PNRC2: variants seen among roughly 807,000 people sequenced by gnomAD.
PNRC2 encodes the protein proline-rich nuclear receptor coactivator 2.
A neutral mutation model predicts 12.2 loss-of-function variants in PNRC2; 2 were observed. That is an observed-to-expected ratio of 0.16 (90% CI 0.07 to 0.52). The LOEUF (loss-of-function observed/expected upper bound fraction) is 0.52. Ranked by LOEUF, PNRC2 falls within the 20% of genes least tolerant of loss-of-function variation. PNRC2 has a pLI of 0.95. For synonymous variants in PNRC2, 44 were observed against 53.9 expected (o/e 0.82, Z 0.80); for missense variants, 115 against 158.4 (o/e 0.73, Z 1.47).
At position 23,962,287 on chromosome 1, in the gene PNRC2, G is replaced by A. The variant is rs1291883471; in HGVS notation, c.*410G>A. 5.7e-6 allele frequency: 1 copy of A among 176,696 alleles called. No homozygotes were observed. The highest frequency in any genetic ancestry group is 1.4e-5 in the Non-Finnish European group (1 of 73,392). The allele number at this position is 176,696 out of a possible 1,614,324, so 10.9% of individuals were successfully genotyped here. On this transcript the variant is annotated 3_prime_UTR_variant, in exon 3 of 3. Transcript: ENST00000334351. ...TAGTATATTAGAAACACCCAAACCA[G>A]TAATATGCTAACCTGATGCACTGCT...
rs1443642740 is a variant in PNRC2, at chr1:23,959,869, G to A, written c.-354G>A. On this transcript the variant is annotated 5_prime_UTR_variant, in exon 1 of 3. Coordinates refer to ENST00000334351, the MANE Select transcript of PNRC2 (RefSeq NM_017761.4). ...GGAGAAGGTCGGGTTGTAGAAGCTG[G>A]GGTGGCCGGCAGCTCGCTCATCGGT... 2 of 152,318 alleles carry A rather than the reference G, an allele frequency of 1.3e-5. No homozygotes were observed. Among genetic ancestry groups the A allele is most frequent in the African/African-American group, 2.4e-5 (1 of 41,478 alleles). The allele number at this position is 152,318 out of a possible 1,614,324, so 9.4% of individuals were successfully genotyped here. A position where few individuals can be genotyped will look rare whatever the true frequency, so the allele number is the denominator to read the frequency against.
rs981658474 is a variant in PNRC2 at position 23,960,642 on chromosome 1, T to A, written c.-224-287T>A. Among the ~76,000 whole-genome samples the A allele has an allele frequency of 5.9e-5, 9 of 152,330 alleles. No individual in the cohort carries two copies. In the East Asian group the frequency reaches 1.3e-3, roughly 23 times the overall value. On this transcript the variant is annotated intron_variant, in intron 1 of 2. Transcript: ENST00000334351. ...AACATTTAACACTTCCTTGATTTTATACGCGAGAGAATCTGAAGGTCTTTC... is the reference window on the plus strand; with the variant it reads ...AACATTTAACACTTCCTTGATTTTAAACGCGAGAGAATCTGAAGGTCTTTC...
chr1:23,961,206 T>C (rs1029940625), intron 2 of PNRC2, 72 bp downstream of exon 2: 29 of 447,624 alleles, frequency 6.5e-5, no homozygotes, highest in African/African-American at 4.9e-4. Context: ...TTAAAATAGA[T>C]TATGTAGATT....
intron 2 of PNRC2, 135 bp downstream of exon 2, chr1:23,961,269 A>G: frequency 3.7e-6 from 2 of 537,900 alleles, no homozygotes. Context: ...GGTTGTGCAT[A>G]TATTGAAGTC....
In PNRC2 at chr1:23,961,932, GAAAC is replaced by G. The variant is rs1641287820; in HGVS notation, c.*59_*62del. On this transcript the variant is annotated 3_prime_UTR_variant, in exon 3 of 3. Coordinates refer to ENST00000334351, the MANE Select transcript of PNRC2 (RefSeq NM_017761.4). ...TTCACGGATAGTTGTCAATTGGTCTGAAACAAATTCGCTAGGGAATCTATTTGTG... is the reference window on the plus strand; with the variant it reads ...TTCACGGATAGTTGTCAATTGGTCTGAAATTCGCTAGGGAATCTATTTGTG... The G allele has an allele frequency of 1.9e-6, 2 of 1,079,536 alleles. No individual in the cohort carries two copies. The highest frequency in any genetic ancestry group is 1.5e-5 in the South Asian group (1 of 65,282). 66.9% of individuals were successfully genotyped at this position (1,079,536 alleles called of 1,614,324 possible). A position where few individuals can be genotyped will look rare whatever the true frequency, so the allele number is the denominator to read the frequency against.
intron 1 of PNRC2, 95 bp downstream of exon 1, chr1:23,960,093 C>CCGGGCGGGCG (rs1431809158): frequency 2.6e-5 from 4 of 152,192 alleles, no homozygotes; most frequent in African/African-American, 4.8e-5. Flanking sequence ...TCCGGGTAAC[C>CCGGGCGGGCG]CGGGCGGGCG....
Position 23,961,942 on chromosome 1 carries a change from C to G in PNRC2, c.*65C>G. ...GTTGTCAATTGGTCTGAAACAAATTCGCTAGGGAATCTATTTGTGTAGAAC... is the reference window on the plus strand; with the variant it reads ...GTTGTCAATTGGTCTGAAACAAATTGGCTAGGGAATCTATTTGTGTAGAAC... On this transcript the variant is annotated 3_prime_UTR_variant, in exon 3 of 3. Coordinates refer to ENST00000334351, the MANE Select transcript of PNRC2 (RefSeq NM_017761.4). 2 of 898,782 alleles carry G rather than the reference C, an allele frequency of 2.2e-6. No homozygotes were observed. Among genetic ancestry groups the G allele is most frequent in the South Asian group, 1.7e-5 (1 of 60,300 alleles). The allele number at this position is 898,782 out of a possible 1,614,324, so 55.7% of individuals were successfully genotyped here.
rs1641266078 is a variant in PNRC2 at position 23,960,925 on chromosome 1, C to T, written c.-224-4C>T. ...AAATAATGAAGTAATCTTTACTTTT[C>T]TAGCTAGGACTTCTCTCAAACTTGT... On this transcript the variant is annotated splice_region_variant and splice_polypyrimidine_tract_variant and intron_variant, in intron 1 of 2. Coordinates refer to ENST00000334351, the MANE Select transcript of PNRC2 (RefSeq NM_017761.4). 1 of 398,842 alleles carries T rather than the reference C, an allele frequency of 2.5e-6. No individual in the cohort carries two copies. Among genetic ancestry groups the T allele is most frequent in the East Asian group, 3.6e-5 (1 of 28,096 alleles). 24.7% of individuals were successfully genotyped at this position (398,842 alleles called of 1,614,324 possible).
intron 1 of PNRC2, among the ~76,000 whole-genome samples, chr1:23,960,429 G>T (rs1296548542): frequency 6.6e-6 from 1 of 152,164 alleles, no homozygotes; most frequent in Non-Finnish European, 1.5e-5. Flanking sequence ...GGGCTTGTGA[G>T]AACTTATTTT....
rs909086181 is a variant in PNRC2 at position 23,962,161 on chromosome 1, A to G, written c.*284A>G. 1 of 278,210 alleles carries G rather than the reference A, an allele frequency of 3.6e-6. No homozygotes were observed. Among genetic ancestry groups the G allele is most frequent in the Admixed American group, 4.9e-5 (1 of 20,576 alleles). The allele number at this position is 278,210 out of a possible 1,614,324, so 17.2% of individuals were successfully genotyped here. ...TTTCTATTGTTAGGGGAAGACAGTA[A>G]TTTATCATTCATGGACCAGTAGATT... On this transcript the variant is annotated 3_prime_UTR_variant, in exon 3 of 3. Transcript: ENST00000334351.
rs1239509076 is a variant in PNRC2, at chr1:23,962,766, T to C, written c.*889T>C. 1 of 166,992 alleles carries C rather than the reference T, an allele frequency of 6.0e-6. No individual in the cohort carries two copies. The highest frequency in any genetic ancestry group is 1.5e-5 in the Non-Finnish European group (1 of 68,074). 10.3% of individuals were successfully genotyped at this position (166,992 alleles called of 1,614,324 possible). Reference sequence around the variant, plus strand: ...AGACCGTGGACTGTTTTTTATAATATGGCCTAATTTTAAAGGTCCAAAATA... The same window carrying C: ...AGACCGTGGACTGTTTTTTATAATACGGCCTAATTTTAAAGGTCCAAAATA... On this transcript the variant is annotated 3_prime_UTR_variant, in exon 3 of 3. Coordinates refer to ENST00000334351, the MANE Select transcript of PNRC2 (RefSeq NM_017761.4).
rs1478619881 is a variant in PNRC2 at position 23,963,273 on chromosome 1, C to T, written c.*1396C>T. 1 of 166,992 alleles carries T rather than the reference C, an allele frequency of 6.0e-6. No homozygotes were observed. Among genetic ancestry groups the T allele is most frequent in the East Asian group, 1.9e-4 (1 of 5,210 alleles). The allele number at this position is 166,992 out of a possible 1,614,324, so 10.3% of individuals were successfully genotyped here. A position where few individuals can be genotyped will look rare whatever the true frequency, so the allele number is the denominator to read the frequency against. On this transcript the variant is annotated 3_prime_UTR_variant, in exon 3 of 3. Transcript: ENST00000334351. ...AATGCCCTATTTTCTAATTTGGCAC[C>T]TCTTGATGCCTAAGCAGGTAAGCAG... is the stretch of plus-strand genomic sequence containing the variant.
chr1:23,961,643 G>T lies in PNRC2; in HGVS notation c.186G>T (p.Gly62=). The part of the protein sequence containing the change: ...SAAAWQAMQN[G]GKNKNFPNNQ... Reference sequence around the variant, plus strand: ...CTGCCTGGCAGGCCATGCAAAATGGGGGGAAGAACAAAAATTTTCCAAATA... The same window carrying T: ...CTGCCTGGCAGGCCATGCAAAATGGTGGGAAGAACAAAAATTTTCCAAATA... Residue 62 remains glycine (G), a synonymous_variant, in exon 3 of 3, where the codon GGG becomes GGT. Coordinates refer to ENST00000334351, the MANE Select transcript of PNRC2 (RefSeq NM_017761.4). 3.7e-6 allele frequency: 6 copies of T among 1,613,826 alleles called. No individual in the cohort carries two copies. The highest frequency in any genetic ancestry group is 3.4e-6 in the Non-Finnish European group (4 of 1,179,804).
chr1:23,960,833 G>C, intron 1 of PNRC2, 96 bp from the exon 2 acceptor site: 1 of 395,874 alleles, frequency 2.5e-6, no homozygotes, highest in South Asian at 1.4e-4. Flanking sequence ...AGTTCAGGAA[G>C]TAGCCTTCTT....
At chr1:23,959,613 T>C (rs1269919935), upstream of PNRC2, among the ~76,000 whole-genome samples, 2 of 152,122 alleles carry the variant, frequency 1.3e-5, no homozygotes, top group African/African-American at 4.8e-5. Flanking sequence ...GAGAAAGGAC[T>C]AAGACACCGG....
In PNRC2 at chr1:23,961,509, A is replaced by C; in HGVS notation, c.52A>C (p.Ser18Arg). 1 of 1,612,646 alleles carries C rather than the reference A, an allele frequency of 6.2e-7. No homozygotes were observed. The highest frequency in any genetic ancestry group is 2.2e-5 in the East Asian group (1 of 44,884). The stretch of plus-strand genomic sequence containing the variant: ...TCCAGCCCCTCAATCTAGAAATGTT[A>C]GTAAGAACCAACAACAGCTTAACAG... ...NIPAPQSRNVSKNQQQLNRQK... is the reference protein window; with the variant it reads ...NIPAPQSRNVRKNQQQLNRQK... Residue 18 changes from serine (S) to arginine (R), a missense_variant, in exon 3 of 3, where the codon AGT becomes CGT. Ser to Arg is a moderately radical substitution (Grantham distance 110). This residue lies in a region of PNRC2 where 98 missense variants were observed against 112.4 expected (regional missense o/e 0.87). Coordinates refer to ENST00000334351, the MANE Select transcript of PNRC2 (RefSeq NM_017761.4).
At chr1:23,960,159 G>A (rs35666672) in intron 1 of PNRC2, among the ~76,000 whole-genome samples, 161 bp downstream of exon 1, 73,089 of 152,044 alleles carry the variant, frequency 0.48, 17,871 homozygotes, top group South Asian at 0.64. Context: ...GAGAGATGGG[G>A]CCACTGGGAA....
At position 23,963,421 on chromosome 1, in the gene PNRC2, TAAATA is replaced by T. The variant is rs949403996; in HGVS notation, c.*1549_*1553del. 24 of 166,088 alleles carry T rather than the reference TAAATA, an allele frequency of 1.4e-4. No homozygotes were observed. Among genetic ancestry groups the T allele is most frequent in the Admixed American group, 3.3e-4 (5 of 15,166 alleles). The allele number at this position is 166,088 out of a possible 1,614,324, so 10.3% of individuals were successfully genotyped here. A position where few individuals can be genotyped will look rare whatever the true frequency, so the allele number is the denominator to read the frequency against. ...ATGATATGAATGTGAAGCATAAAAT[TAAATA>T]AAATTTTTCCCCATTGGCTTGGTTT... is the stretch of plus-strand genomic sequence containing the variant. On this transcript the variant is annotated 3_prime_UTR_variant, in exon 3 of 3. Coordinates refer to ENST00000334351, the MANE Select transcript of PNRC2 (RefSeq NM_017761.4).
chr1:23,961,501 G>C lies in PNRC2; in HGVS notation c.44G>C (p.Arg15Thr). ...TATAACATTCCAGCCCCTCAATCTA[G>C]AAATGTTAGTAAGAACCAACAACAG... ...ERYNIPAPQS[R>T]NVSKNQQQLN... Residue 15 changes from arginine to threonine, a missense_variant, in exon 3 of 3, where the codon AGA becomes ACA. By Grantham distance (71) the Arg-to-Thr change is moderately conservative. Transcript: ENST00000334351. The C allele has an allele frequency of 6.2e-7, 1 of 1,612,166 alleles. No individual in the cohort carries two copies. Among genetic ancestry groups the C allele is most frequent in the African/African-American group, 1.3e-5 (1 of 74,766 alleles).
Sources: gnomAD v4.1 joint callset for allele counts (sites outside exome capture counted in the v4.1 genomes callset) on GRCh38, gnomAD v4.1.1 for gene constraint, gnomAD v4.1.1 regional missense constraint, MANE v1.5 for transcripts, NCBI Gene and HGNC (gene_info 2026-07-23, HGNC 2026-07-21) for gene names.